GAPVD1: variants seen among roughly 807,000 people sequenced by gnomAD.
GAPVD1 encodes GTPase activating protein and VPS9 domains 1, also known as GTPase-activating protein and VPS9 domain-containing protein 1.
A neutral mutation model predicts 155.5 loss-of-function variants in GAPVD1; 35 were observed. The observed-to-expected ratio is 0.23, with a 90% CI of 0.17 to 0.30. GAPVD1 has a LOEUF of 0.30. Ranked by LOEUF, GAPVD1 falls within the 10% of genes least tolerant of loss-of-function variation. The pLI is 1.00. For missense variants in GAPVD1, 1,429 were observed against 1,775.7 expected, an observed-to-expected ratio of 0.80 and a Z score of 3.51; for synonymous variants, 636 against 619.7, an observed-to-expected ratio of 1.03 and a Z score of -0.39.
At chr9:125,327,857 G>C (rs1364995955) in intron 12 of GAPVD1, among the ~76,000 whole-genome samples, 1 of 152,130 alleles carries the variant, frequency 6.6e-6, no homozygotes, top group East Asian at 1.9e-4. Context: ...CATGAACCCA[G>C]TGTACCCATC....
chr9:125,284,578 C>T (rs1053681559), intron 2 of GAPVD1, among the ~76,000 whole-genome samples: 1 of 152,000 alleles, frequency 6.6e-6, no homozygotes, highest in Non-Finnish European at 1.5e-5. Flanking sequence ...TCCCAAAGCA[C>T]TGACTGACAG....
chr9:125,296,048 A>G (rs1395353974), intron 3 of GAPVD1, among the ~76,000 whole-genome samples: 1 of 152,256 alleles, frequency 6.6e-6, no homozygotes, highest in African/African-American at 2.4e-5. Flanking sequence ...ATTGAAAGAT[A>G]GCACAGCGAT....
At chr9:125,287,581 T>C (rs1837910437) in intron 2 of GAPVD1, among the ~76,000 whole-genome samples, 1 of 152,138 alleles carries the variant, frequency 6.6e-6, no homozygotes, top group Non-Finnish European at 1.5e-5. Context: ...GGAAATAGCA[T>C]AAATTAGGAT....
intron 19 of GAPVD1, 90 bp downstream of exon 19, chr9:125,342,389 CT>C: frequency 1.3e-6 from 1 of 774,424 alleles, no homozygotes; most frequent in South Asian, 1.4e-5. Context: ...CGTTGCCTTT[CT>C]AGAAGAGTGT....
At chr9:125,283,028 T>TTA (rs1554753036) in intron 2 of GAPVD1, among the ~76,000 whole-genome samples, 4 of 143,324 alleles carry the variant, frequency 2.8e-5, no homozygotes, top group Admixed American at 7.1e-5. Context: ...TTATTTTTAT[T>TTA]TTTATTTATT....
chr9:125,350,611 T>C (rs1027749519), intron 22 of GAPVD1, 102 bp from the exon 23 acceptor site: 2 of 740,362 alleles, frequency 2.7e-6, no homozygotes, highest in African/African-American at 1.8e-5. Context: ...TTAGTTCTAA[T>C]GATACGTGAC....
chr9:125,329,738 C>T (rs2131746038), intron 12 of GAPVD1, among the ~76,000 whole-genome samples: 1 of 151,760 alleles, frequency 6.6e-6, no homozygotes, highest in Middle Eastern at 3.4e-3. Context: ...AATGGCATGA[C>T]CTCGGCTCAC....
intron 2 of GAPVD1, among the ~76,000 whole-genome samples, chr9:125,272,558 A>T (rs1835093676): frequency 6.6e-6 from 1 of 152,286 alleles, no homozygotes; most frequent in Non-Finnish European, 1.5e-5. Flanking sequence ...GTAATAGCTG[A>T]CATTTATTGG....
intron 21 of GAPVD1, among the ~76,000 whole-genome samples, chr9:125,349,779 G>A (rs944170942): frequency 1.3e-5 from 2 of 151,980 alleles, no homozygotes; most frequent in East Asian, 1.9e-4. Flanking sequence ...CAGGTGGATC[G>A]CTGGAGCCCA....
rs1440966236 is a variant in GAPVD1, at chr9:125,302,348, T to C, written c.551T>C (p.Leu184Pro). The change falls in exon 5 of 28, where the codon CTT (leucine) becomes CCT (proline). Residue 184 changes from leucine to proline, a missense_variant. Leu to Pro is a moderately conservative substitution (Grantham distance 98). Coordinates refer to ENST00000297933, the MANE Select transcript of GAPVD1 (RefSeq NM_001282680.3). ...GTCAFSILFKLFSEGLFSAKL... is the reference protein window; with the variant it reads ...GTCAFSILFKPFSEGLFSAKL... Reference sequence around the variant, plus strand: ...TGTGCCTTCAGCATCTTATTTAAACTTTTTTCTGAAGGACTGTTTTCTGCC... The same window carrying C: ...TGTGCCTTCAGCATCTTATTTAAACCTTTTTCTGAAGGACTGTTTTCTGCC... The C allele has an allele frequency of 1.9e-6, 3 of 1,614,118 alleles. No homozygotes were observed. The highest frequency in any genetic ancestry group is 2.5e-6 in the Non-Finnish European group (3 of 1,179,988).
chr9:125,275,144 C>T (rs750115850), intron 2 of GAPVD1, among the ~76,000 whole-genome samples: 22 of 149,944 alleles, frequency 1.5e-4, no homozygotes, highest in East Asian at 3.9e-4. Context: ...AGTGTGATCT[C>T]GGCTCACTGC....
intron 2 of GAPVD1, among the ~76,000 whole-genome samples, chr9:125,294,882 A>G (rs1313059826): frequency 1.3e-5 from 2 of 152,042 alleles, no homozygotes; most frequent in East Asian, 1.9e-4. Context: ...GTTCTATAAA[A>G]ACCAATAGGT....
intron 9 of GAPVD1, among the ~76,000 whole-genome samples, chr9:125,318,176 G>A (rs886957067): frequency 2.6e-5 from 4 of 152,126 alleles, no homozygotes; most frequent in African/African-American, 9.7e-5. Flanking sequence ...GTAGAGACAG[G>A]GTTTCACTTT....
rs1194377864 is a variant in GAPVD1 at position 125,366,536 on chromosome 9, CTGT to C, written c.*3794_*3796del. 4 of 152,080 alleles carry C rather than the reference CTGT, an allele frequency of 2.6e-5. No individual in the cohort carries two copies. Among genetic ancestry groups the C allele is most frequent in the Admixed American group, 2.6e-4 (4 of 15,248 alleles). The allele number at this position is 152,080 out of a possible 1,614,324, so 9.4% of individuals were successfully genotyped here. ...CTGCTTTGTTTCTTTAAAGAAAAGGCTGTTGTCTCTCTTTTTAAATATTTAAGT... is the reference window on the plus strand; with the variant it reads ...CTGCTTTGTTTCTTTAAAGAAAAGGCTGTCTCTCTTTTTAAATATTTAAGT... On this transcript the variant is annotated 3_prime_UTR_variant, in exon 28 of 28. Transcript: ENST00000297933.
rs1365676438 is a variant in GAPVD1 at position 125,302,457 on chromosome 9, C to A, written c.660C>A (p.Asn220Lys). The change falls in exon 5 of 28, where the codon AAC becomes AAA. Residue 220 changes from asparagine (N) to lysine (K), a missense_variant. Physicochemically the swap from Asn to Lys is moderately conservative, Grantham distance 94. This residue lies in a region of GAPVD1 where 628 missense variants were observed against 733.4 expected (regional missense o/e 0.86). Transcript: ENST00000297933. The part of the protein sequence containing the change: ...EDEDHLETDP[N>K]KLIERFSPSQ... ...AAGATCACCTGGAAACAGATCCAAA[C>A]AAGCTAATTGAGAGGTTCTCTCCAT... 1 of 1,613,738 alleles carries A rather than the reference C, an allele frequency of 6.2e-7. No homozygotes were observed. Among genetic ancestry groups the A allele is most frequent in the Non-Finnish European group, 8.5e-7 (1 of 1,179,876 alleles).
intron 15 of GAPVD1, among the ~76,000 whole-genome samples, chr9:125,335,897 A>C (rs1015586793): frequency 6.6e-6 from 1 of 152,054 alleles, no homozygotes; most frequent in Non-Finnish European, 1.5e-5. Flanking sequence ...TCATGCCTGT[A>C]ATCCCAGCAC....
At chr9:125,271,108 G>T (rs917646877) in intron 2 of GAPVD1, among the ~76,000 whole-genome samples, 21 of 152,014 alleles carry the variant, frequency 1.4e-4, no homozygotes, top group African/African-American at 4.8e-4. Flanking sequence ...TACTCTTTGT[G>T]TGTGTGTGTG....
intron 2 of GAPVD1, among the ~76,000 whole-genome samples, chr9:125,284,136 A>G (rs1293091495): frequency 2.6e-5 from 4 of 151,022 alleles, no homozygotes; most frequent in African/African-American, 9.8e-5. Context: ...TTGGCCTCCC[A>G]AAGTGCTGGG....
chr9:125,283,318 C>T (rs1837110180), intron 2 of GAPVD1, among the ~76,000 whole-genome samples: 1 of 151,928 alleles, frequency 6.6e-6, no homozygotes, highest in Admixed American at 6.6e-5. Flanking sequence ...CTCGGCCTCC[C>T]AAAGTGCTGG....
Sources: gnomAD v4.1 joint callset for allele counts (sites outside exome capture counted in the v4.1 genomes callset) on GRCh38, gnomAD v4.1.1 for gene constraint, gnomAD v4.1.1 regional missense constraint, MANE v1.5 for transcripts, NCBI Gene and HGNC (gene_info 2026-07-23, HGNC 2026-07-21) for gene names.